SPATA13: variants seen among roughly 807,000 people sequenced by gnomAD.
SPATA13 encodes spermatogenesis-associated protein 13.
Under a neutral mutation model 104.0 loss-of-function variants are expected in SPATA13, and 50 were observed. The ratio of observed to expected loss-of-function variants is 0.48; its 90% CI spans 0.38 to 0.61. The LOEUF (loss-of-function observed/expected upper bound fraction) is 0.61, where lower values mean the gene tolerates loss of function less well. Ranked by LOEUF, SPATA13 falls within the 20% of genes least tolerant of loss-of-function variation. The probability of loss-of-function intolerance (pLI) is 0.00; values close to 1 mark genes in which losing one functional copy is unlikely to be tolerated. For synonymous variants in SPATA13, 606 were observed against 667.5 expected (o/e 0.91, Z 1.42); for missense variants, 1,524 against 1,690.6 (o/e 0.90, Z 1.73).
At chr13:24,133,264 G>A (rs1346148414) in intron 3 of SPATA13, among the ~76,000 whole-genome samples, 3 of 152,190 alleles carry the variant, frequency 2.0e-5, no homozygotes, top group African/African-American at 7.2e-5. Context: ...AAAGAGAAAT[G>A]TGAAACACTA....
chr13:24,260,859 C>T (rs928077507), intron 4 of SPATA13, among the ~76,000 whole-genome samples: 1 of 152,174 alleles, frequency 6.6e-6, no homozygotes, highest in African/African-American at 2.4e-5. Flanking sequence ...ACACAGGGAG[C>T]CTTGTCCTAC....
chr13:24,036,577 G>A (rs1186339221), intron 3 of SPATA13, among the ~76,000 whole-genome samples: 4 of 152,036 alleles, frequency 2.6e-5, no homozygotes, highest in African/African-American at 9.7e-5. Flanking sequence ...GGGCCCACAG[G>A]GAGACACCCA....
chr13:24,050,725 CAGGCACCA>C (rs1878309179), intron 3 of SPATA13, among the ~76,000 whole-genome samples: 3 of 152,324 alleles, frequency 2.0e-5, no homozygotes, highest in Non-Finnish European at 1.5e-5. Flanking sequence ...GCTCCAAGTG[CAGGCACCA>C]TGCATAATGC....
At chr13:23,992,058 C>T (rs1566064511) in intron 2 of SPATA13, among the ~76,000 whole-genome samples, 2 of 152,216 alleles carry the variant, frequency 1.3e-5, no homozygotes, top group Non-Finnish European at 2.9e-5. Flanking sequence ...ATGTAACCCT[C>T]ACAAAACCTA....
intron 4 of SPATA13, chr13:24,270,596 T>G (rs772362800): frequency 1.4e-5 from 9 of 635,150 alleles, no homozygotes; most frequent in Non-Finnish European, 2.4e-5. Context: ...GTATATAGGT[T>G]TTGCCTTAGT....
chr13:24,066,797 G>A (rs1050775200), intron 3 of SPATA13, among the ~76,000 whole-genome samples: 1 of 152,102 alleles, frequency 6.6e-6, no homozygotes, highest in Non-Finnish European at 1.5e-5. Context: ...CAACTGCACA[G>A]TCAACCTTCA....
intron 3 of SPATA13, among the ~76,000 whole-genome samples, chr13:24,083,331 G>C (rs144767235): frequency 6.6e-6 from 1 of 152,176 alleles, no homozygotes; most frequent in Non-Finnish European, 1.5e-5. Flanking sequence ...ACCCTGCCCC[G>C]CCCACAGGAG....
chr13:24,299,840 CTT>C (rs1344396360), intron 11 of SPATA13, among the ~76,000 whole-genome samples: 1 of 152,214 alleles, frequency 6.6e-6, no homozygotes, highest in Non-Finnish European at 1.5e-5. Flanking sequence ...TCCAGTGACT[CTT>C]GTTTCACCCA....
chr13:23,992,641 T>C (rs1183408875), intron 2 of SPATA13, among the ~76,000 whole-genome samples: 2 of 152,182 alleles, frequency 1.3e-5, no homozygotes, highest in Non-Finnish European at 2.9e-5. Flanking sequence ...TCCGGGACTC[T>C]CTTTAAGAAA....
intron 4 of SPATA13, among the ~76,000 whole-genome samples, chr13:24,283,628 G>T (rs1236296851): frequency 6.6e-6 from 1 of 152,164 alleles, no homozygotes; most frequent in Non-Finnish European, 1.5e-5. Context: ...CATATTTTGA[G>T]TTCCAAGCCT....
At chr13:24,256,677 C>T (rs922307639) in intron 4 of SPATA13, among the ~76,000 whole-genome samples, 4 of 152,230 alleles carry the variant, frequency 2.6e-5, no homozygotes, top group African/African-American at 9.6e-5. Context: ...CCACTTTTCT[C>T]TGGCCCTGTT....
chr13:24,025,813 CTT>C (rs61153723), intron 3 of SPATA13, among the ~76,000 whole-genome samples: 3 of 146,544 alleles, frequency 2.0e-5, no homozygotes, highest in Non-Finnish European at 3.0e-5. Flanking sequence ...TTCTTTCTTT[CTT>C]TTTTTTTTTT....
At chr13:24,084,213 T>C (rs1206345786) in intron 3 of SPATA13, among the ~76,000 whole-genome samples, 3 of 152,000 alleles carry the variant, frequency 2.0e-5, no homozygotes, top group Non-Finnish European at 2.9e-5. Context: ...TTTAAATGCG[T>C]TGGGGAGATG....
chr13:24,282,256 G>A (rs1875596664), intron 4 of SPATA13, among the ~76,000 whole-genome samples: 1 of 152,140 alleles, frequency 6.6e-6, no homozygotes, highest in Admixed American at 6.5e-5. Context: ...AGAAAATGCA[G>A]GTTAGATTGA....
At chr13:24,072,704 C>T (rs1222132129) in intron 3 of SPATA13, among the ~76,000 whole-genome samples, 3 of 152,072 alleles carry the variant, frequency 2.0e-5, no homozygotes, top group Admixed American at 6.6e-5. Flanking sequence ...GATGATTTTC[C>T]TCTTCAATCT....
chr13:24,115,501 C>G (rs1002005472), intron 3 of SPATA13, among the ~76,000 whole-genome samples: 1 of 152,192 alleles, frequency 6.6e-6, no homozygotes, highest in African/African-American at 2.4e-5. Context: ...ATGTACGTTG[C>G]GTGCTCCTTA....
intron 1 of SPATA13, among the ~76,000 whole-genome samples, chr13:24,179,385 A>G (rs1267868886): frequency 6.6e-6 from 1 of 152,190 alleles, no homozygotes; most frequent in Non-Finnish European, 1.5e-5. Flanking sequence ...ACCATTTTAC[A>G]TTTCCATCAG....
intron 3 of SPATA13, among the ~76,000 whole-genome samples, chr13:24,124,849 G>A (rs530376638): frequency 1.8e-4 from 28 of 152,088 alleles, no homozygotes; most frequent in South Asian, 6.2e-4. Flanking sequence ...GGGATCAGAT[G>A]TTACTAGCAT....
chr13:24,185,580 C>T (rs11618423), intron 1 of SPATA13, among the ~76,000 whole-genome samples: 65,237 of 151,998 alleles, frequency 0.43, 15,551 homozygotes, highest in Non-Finnish European at 0.54. Context: ...TTGATAAGTC[C>T]TTTATATGGT....
Sources: allele counts gnomAD v4.1 joint callset (sites outside exome capture counted in the v4.1 genomes callset), GRCh38; gene constraint gnomAD v4.1.1; transcripts MANE v1.5; gene names NCBI Gene and HGNC (gene_info 2026-07-23, HGNC 2026-07-21).